The following MAP4K3 variants were observed in gnomAD, a reference collection of about 807,000 sequenced individuals.
MAP4K3 encodes MAPK/ERK kinase kinase kinase 3.
Under a neutral mutation model 143.5 loss-of-function variants are expected in MAP4K3, and 94 were observed. The observed-to-expected ratio is 0.65, with a 90% CI of 0.55 to 0.78. The LOEUF is 0.78. Among genes scored for constraint, MAP4K3 ranks in the 30% least tolerant of loss-of-function variants. The probability of loss-of-function intolerance (pLI) is 0.00; values close to 1 mark genes in which losing one functional copy is unlikely to be tolerated. For synonymous variants in MAP4K3, 416 were observed against 347.2 expected (o/e 1.20, Z -2.20); for missense variants, 1,077 against 1,068.1 (o/e 1.01, Z -0.12).
At chr2:39,382,106 G>A (rs1192424122) in intron 1 of MAP4K3, among the ~76,000 whole-genome samples, 1 of 152,152 alleles carries the variant, frequency 6.6e-6, no homozygotes, top group East Asian at 1.9e-4. Flanking sequence ...GCCTTTCAGA[G>A]GCCATTCAGA....
intron 6 of MAP4K3, among the ~76,000 whole-genome samples, chr2:39,336,581 C>T (rs1416226770): frequency 1.3e-5 from 2 of 149,622 alleles, no homozygotes; most frequent in Non-Finnish European, 3.0e-5. Flanking sequence ...CGAAAGCTCA[C>T]TGAAATAGTC....
intron 4 of MAP4K3, among the ~76,000 whole-genome samples, chr2:39,340,569 T>C (rs1054208790): frequency 1.3e-5 from 2 of 152,178 alleles, no homozygotes; most frequent in East Asian, 1.9e-4. Context: ...TGACAACCTA[T>C]TTCTGTAACG....
chr2:39,278,553 T>C, intron 23 of MAP4K3, 67 bp from the exon 24 acceptor site: 1 of 855,420 alleles, frequency 1.2e-6, no homozygotes, highest in Non-Finnish European at 1.9e-6. Context: ...ATTTCTATAA[T>C]CTAAACTTCC....
intron 20 of MAP4K3, 101 bp downstream of exon 20, chr2:39,288,020 C>T: frequency 7.0e-7 from 1 of 1,421,474 alleles, no homozygotes; most frequent in Non-Finnish European, 9.7e-7. Flanking sequence ...TCCTTCTGTC[C>T]TCCACCAAAA....
chr2:39,336,689 T>C (rs1664978481), intron 6 of MAP4K3, among the ~76,000 whole-genome samples: 1 of 152,050 alleles, frequency 6.6e-6, no homozygotes, highest in Admixed American at 6.5e-5. Context: ...AAATGAGTTA[T>C]TAAAACATTA....
intron 2 of MAP4K3, among the ~76,000 whole-genome samples, chr2:39,366,440 G>A (rs115031121): frequency 2.0e-3 from 298 of 152,286 alleles, no homozygotes; most frequent in African/African-American, 6.9e-3. Flanking sequence ...GGTAGTAGGC[G>A]TCTCTTCAGA....
chr2:39,323,098 A>G (rs1683370208), intron 12 of MAP4K3, among the ~76,000 whole-genome samples: 1 of 152,210 alleles, frequency 6.6e-6, no homozygotes, highest in African/African-American at 2.4e-5. Context: ...GCAAATAAAA[A>G]AGTTATGAAT....
At chr2:39,429,878 A>G (rs1238596644) in intron 1 of MAP4K3, among the ~76,000 whole-genome samples, 1 of 152,214 alleles carries the variant, frequency 6.6e-6, no homozygotes, top group African/African-American at 2.4e-5. Flanking sequence ...ATACAGCTCA[A>G]AAGAACAAGA....
chr2:39,284,447 C>T (rs1190706012), intron 21 of MAP4K3, among the ~76,000 whole-genome samples: 1 of 152,110 alleles, frequency 6.6e-6, no homozygotes, highest in Non-Finnish European at 1.5e-5. Context: ...AGGTGTGAGC[C>T]ACTGTGCCCG....
At chr2:39,254,569 C>G in intron 31 of MAP4K3, 49 bp from the exon 32 acceptor site, 1 of 1,394,746 alleles carries the variant, frequency 7.2e-7, no homozygotes, top group Non-Finnish European at 1.0e-6. Context: ...AAAAGTTCAA[C>G]TGATAAGCAT....
chr2:39,273,447 C>A (rs1232930694), intron 24 of MAP4K3, among the ~76,000 whole-genome samples: 2 of 152,216 alleles, frequency 1.3e-5, no homozygotes, highest in South Asian at 4.1e-4. Flanking sequence ...CCTGATTTAA[C>A]AACCTTTGTT....
intron 1 of MAP4K3, among the ~76,000 whole-genome samples, chr2:39,398,560 A>G (rs999874558): frequency 7.9e-5 from 12 of 151,818 alleles, no homozygotes; most frequent in Non-Finnish European, 1.6e-4. Context: ...AGCACTTTGC[A>G]TTTTGAAACG....
At chr2:39,348,386 T>C (rs1363797570) in intron 3 of MAP4K3, among the ~76,000 whole-genome samples, 1 of 152,152 alleles carries the variant, frequency 6.6e-6, no homozygotes, top group Non-Finnish European at 1.5e-5. Context: ...CTTTTTAAGA[T>C]GCCTAAAATA....
intron 2 of MAP4K3, among the ~76,000 whole-genome samples, chr2:39,371,811 CTA>C (rs1000626976): frequency 8.8e-5 from 13 of 147,340 alleles, no homozygotes; most frequent in Admixed American, 2.0e-4. Flanking sequence ...TCCTCTCTCT[CTA>C]TATATATATA....
intron 2 of MAP4K3, among the ~76,000 whole-genome samples, chr2:39,365,444 T>A (rs1242991903): frequency 6.9e-6 from 1 of 145,014 alleles, no homozygotes; most frequent in Non-Finnish European, 1.5e-5. Flanking sequence ...TTTTTTTTTT[T>A]TTTTTTTTTT....
chr2:39,426,523 T>C lies in MAP4K3; in HGVS notation c.96+10369A>G, dbSNP rs971863371. ...TTTTGAGAATACACATCAAAGTATT[T>C]ATGGGTAAAGGAGTTTGATGTCTGC... is the stretch of plus-strand genomic sequence containing the variant. On this transcript the variant is annotated intron_variant, in intron 1 of 33. Coordinates refer to ENST00000263881, the MANE Select transcript of MAP4K3 (RefSeq NM_003618.4). 4.5e-4 allele frequency among the ~76,000 whole-genome samples: 69 copies of C among 152,126 alleles called. 2 individuals are homozygous for C. The highest frequency in any genetic ancestry group is 2.5e-3 in the South Asian group (12 of 4,824).
Position 39,286,096 on chromosome 2 carries a change from G to C in MAP4K3, c.1587+756C>G, listed in dbSNP as rs1219518355. On this transcript the variant is annotated intron_variant, in intron 21 of 33. Transcript: ENST00000263881. ...GGTTCCCCAACCTTTTCGGCATCAG[G>C]GACTGGTTTCGTGGAAGACAATTTT... 2.6e-5 allele frequency among the ~76,000 whole-genome samples: 4 copies of C among 152,170 alleles called. No homozygotes were observed. The East Asian group carries it at 7.7e-4, about 29-fold the overall frequency.
At chr2:39,333,677 T>C in intron 6 of MAP4K3, 103 bp from the exon 7 acceptor site, 1 of 578,440 alleles carries the variant, frequency 1.7e-6, no homozygotes, top group South Asian at 3.3e-5. Flanking sequence ...GCCTTAGACC[T>C]AGAAATACTT....
chr2:39,427,761 G>A (rs1665139225), intron 1 of MAP4K3, among the ~76,000 whole-genome samples: 1 of 152,200 alleles, frequency 6.6e-6, no homozygotes. Flanking sequence ...GCACGTTAGA[G>A]AAAAGAGTGG....
Sources: allele counts gnomAD v4.1 joint callset (sites outside exome capture counted in the v4.1 genomes callset), GRCh38; gene constraint gnomAD v4.1.1; transcripts MANE v1.5; gene names NCBI Gene and HGNC (gene_info 2026-07-23, HGNC 2026-07-21).